Variants in NEBL observed in about 807,000 individuals in gnomAD.
NEBL encodes the protein nebulette, also known as LIM and SH3 protein 2.
Under a neutral mutation model 140.2 loss-of-function variants are expected in NEBL, and 122 were observed. The observed-to-expected ratio is 0.87, with a 90% CI of 0.75 to 1.01. The LOEUF is 1.01. Ranked by LOEUF, NEBL falls within the 50% of genes least tolerant of loss-of-function variation. The pLI is 0.00. For missense variants in NEBL, 1,365 were observed against 1,231.3 expected (o/e 1.11, Z -1.62); for synonymous variants, 436 against 398.9 (o/e 1.09, Z -1.11).
In NEBL at chr10:20,785,014, A is replaced by G. The variant is rs942009970; in HGVS notation, c.*733T>C. 5.2e-5 allele frequency: 8 copies of G among 152,784 alleles called. No homozygotes were observed. The highest frequency in any genetic ancestry group is 1.9e-4 in the African/African-American group (8 of 41,456). 9.5% of individuals were successfully genotyped at this position (152,784 alleles called of 1,614,324 possible). On this transcript the variant is annotated 3_prime_UTR_variant, in exon 28 of 28. Transcript: ENST00000377122. Reference sequence around the variant, plus strand: ...AAATGCTACTAGGGAAATTATATCAATGACATTATAATTTGCCCTTTGCAG... The same window carrying G: ...AAATGCTACTAGGGAAATTATATCAGTGACATTATAATTTGCCCTTTGCAG...
At chr10:21,029,096 A>G (rs577490039) in intron 2 of NEBL, 28 of 1,203,278 alleles carry the variant, frequency 2.3e-5, no homozygotes, top group Admixed American at 5.1e-5. Flanking sequence ...GGAAGCACCT[A>G]TGTTTCCAAA....
intron 5 of NEBL, among the ~76,000 whole-genome samples, chr10:20,874,549 C>T (rs1300279696): frequency 1.3e-5 from 2 of 152,152 alleles, no homozygotes; most frequent in African/African-American, 4.8e-5. Flanking sequence ...ATACACAGCC[C>T]AGAGCCCAAA....
intron 2 of NEBL, among the ~76,000 whole-genome samples, chr10:21,128,677 C>A (rs12573237): frequency 6.6e-6 from 1 of 151,742 alleles, no homozygotes; most frequent in African/African-American, 2.4e-5. Flanking sequence ...AAAGGAAGAC[C>A]AACAAGAGAA....
chr10:20,857,559 T>C (rs1444921332), intron 9 of NEBL, among the ~76,000 whole-genome samples: 1 of 152,120 alleles, frequency 6.6e-6, no homozygotes, highest in African/African-American at 2.4e-5. Context: ...ATGTACAAAA[T>C]GGAGCCAAAT....
chr10:21,136,990 C>G (rs372108635), intron 2 of NEBL, among the ~76,000 whole-genome samples: 9 of 152,240 alleles, frequency 5.9e-5, no homozygotes, highest in African/African-American at 2.2e-4. Flanking sequence ...TGGTGACTTC[C>G]CTGACTGGCA....
At chr10:21,036,982 C>T (rs545255905) in intron 2 of NEBL, among the ~76,000 whole-genome samples, 8 of 152,138 alleles carry the variant, frequency 5.3e-5, no homozygotes, top group Non-Finnish European at 8.8e-5. Flanking sequence ...CAGAGGTTCT[C>T]CACCGTAGCT....
rs530109808 is a variant in NEBL, at chr10:20,816,820, C to G, written c.2148+780G>C. Among the ~76,000 whole-genome samples, 3 of 152,236 alleles carry G rather than the reference C, an allele frequency of 2.0e-5. No homozygotes were observed. In the East Asian group the frequency reaches 5.8e-4, roughly 29 times the overall value. ...CTGCCAGCCCCTTATTAAGTGCCCC[C>G]AAAATGGTCCTGTCCAATATAACCT... On this transcript the variant is annotated intron_variant, in intron 21 of 27. Coordinates refer to ENST00000377122, the MANE Select transcript of NEBL (RefSeq NM_006393.3).
intron 3 of NEBL, among the ~76,000 whole-genome samples, chr10:21,017,526 C>A (rs2131760082): frequency 6.6e-6 from 1 of 152,274 alleles, no homozygotes; most frequent in Non-Finnish European, 1.5e-5. Context: ...ATATGCCACC[C>A]TTTGAAGCTT....
intron 14 of NEBL, among the ~76,000 whole-genome samples, chr10:20,831,809 G>T (rs1017558348): frequency 6.6e-6 from 1 of 151,892 alleles, no homozygotes; most frequent in African/African-American, 2.4e-5. Flanking sequence ...TCTGAATTAA[G>T]AAGAAGAAAA....
intron 3 of NEBL, chr10:20,961,795 A>G: frequency 1.3e-6 from 2 of 1,588,630 alleles, no homozygotes; most frequent in Non-Finnish European, 1.7e-6. Context: ...AAGAAGGGGG[A>G]AAAGAAAAGT....
At chr10:20,910,254 A>G (rs1848274730) in intron 4 of NEBL, among the ~76,000 whole-genome samples, 1 of 152,216 alleles carries the variant, frequency 6.6e-6, no homozygotes, top group African/African-American at 2.4e-5. Context: ...TATTTCTTTT[A>G]TATATGTTAT....
At chr10:21,270,271 G>T (rs1295692895) in intron 1 of NEBL, among the ~76,000 whole-genome samples, 1 of 152,020 alleles carries the variant, frequency 6.6e-6, no homozygotes, top group Non-Finnish European at 1.5e-5. Flanking sequence ...CTTCTATTAA[G>T]CATCTTCAAT....
chr10:20,852,029 C>T (rs1842591053), intron 10 of NEBL, among the ~76,000 whole-genome samples: 1 of 151,796 alleles, frequency 6.6e-6, no homozygotes, highest in African/African-American at 2.4e-5. Context: ...AAAATAACGA[C>T]TTTAAAGTAT....
At chr10:20,975,989 T>C (rs575068661) in intron 3 of NEBL, among the ~76,000 whole-genome samples, 4 of 152,218 alleles carry the variant, frequency 2.6e-5, no homozygotes, top group African/African-American at 9.6e-5. Flanking sequence ...GCAATACTCA[T>C]CAAATCACTG....
intron 4 of NEBL, among the ~76,000 whole-genome samples, chr10:20,884,554 T>C (rs1406181735): frequency 1.3e-5 from 2 of 152,252 alleles, no homozygotes; most frequent in South Asian, 4.1e-4. Flanking sequence ...TTAATTCTAC[T>C]TGATGGTTAT....
At chr10:21,028,105 T>C (rs1318714353) in intron 2 of NEBL, among the ~76,000 whole-genome samples, 3 of 151,512 alleles carry the variant, frequency 2.0e-5, no homozygotes, top group Non-Finnish European at 4.4e-5. Flanking sequence ...CACACACCTA[T>C]AATCCTAGCT....
intron 3 of NEBL, among the ~76,000 whole-genome samples, chr10:21,196,195 G>T (rs1240540582): frequency 6.6e-6 from 1 of 151,816 alleles, no homozygotes; most frequent in Admixed American, 6.6e-5. Context: ...GTAGAGACAG[G>T]GTTTCACCAT....
intron 26 of NEBL, among the ~76,000 whole-genome samples, chr10:20,794,581 T>C (rs1329633093): frequency 6.6e-6 from 1 of 152,204 alleles, no homozygotes; most frequent in South Asian, 2.1e-4. Flanking sequence ...AGCATATTCA[T>C]ATTGTGCAAC....
chr10:20,997,686 T>A (rs1313298506), intron 3 of NEBL, among the ~76,000 whole-genome samples: 2 of 152,088 alleles, frequency 1.3e-5, no homozygotes, highest in Non-Finnish European at 2.9e-5. Context: ...TTTTGAAATG[T>A]GAATAATATA....
Sources: allele counts gnomAD v4.1 joint callset (sites outside exome capture counted in the v4.1 genomes callset), GRCh38; gene constraint gnomAD v4.1.1; transcripts MANE v1.5; gene names NCBI Gene and HGNC (gene_info 2026-07-23, HGNC 2026-07-21).